MRTFB: variants seen among roughly 807,000 people sequenced by gnomAD.
MRTFB encodes myocardin related transcription factor B.
In MRTFB, 29 loss-of-function variants were observed where a neutral mutation model predicts 104.2. The observed-to-expected ratio is 0.28, with a 90% CI of 0.21 to 0.38. The LOEUF is 0.38. MRTFB is among the 10% of genes least tolerant of loss of function. MRTFB has a pLI of 1.00. For missense variants in MRTFB, 1,270 were observed against 1,341.6 expected (o/e 0.95, Z 0.83); for synonymous variants, 535 against 519.5 (o/e 1.03, Z -0.41).
chr16:14,251,749 C>T, intron 13 of MRTFB, 113 bp from the exon 14 acceptor site: 1 of 1,108,260 alleles, frequency 9.0e-7, no homozygotes. Context: ...GCTATATACT[C>T]TGCAGCCCTT....
intron 2 of MRTFB, among the ~76,000 whole-genome samples, chr16:14,101,859 A>G (rs2035720213): frequency 6.6e-6 from 1 of 152,196 alleles, no homozygotes; most frequent in Admixed American, 6.5e-5. Context: ...ATAGAATTCT[A>G]TGATTTTTTA....
At chr16:14,183,874 A>C (rs1236869440) in intron 3 of MRTFB, among the ~76,000 whole-genome samples, 3 of 152,140 alleles carry the variant, frequency 2.0e-5, no homozygotes, top group African/African-American at 7.2e-5. Context: ...TATTAGATAC[A>C]AAAATAAGCA....
At position 14,246,960 on chromosome 16, in the gene MRTFB, C is replaced by T; in HGVS notation, c.1700C>T (p.Ala567Val). Residue 567 changes from alanine to valine, a missense_variant, in exon 12 of 17, where the codon GCA (alanine) becomes GTA (valine). Ala to Val is a moderately conservative substitution (Grantham distance 64). This residue lies in a region of MRTFB where 1,144 missense variants were observed against 1,131.5 expected (regional missense o/e 1.01). Coordinates refer to ENST00000571589, the MANE Select transcript of MRTFB (RefSeq NM_001308142.2). ...ACTCTGTCAAACCTGGAACTGGATGCAGCCGAAAAGGATCGCAAGCTTCAG... is the reference window on the plus strand; with the variant it reads ...ACTCTGTCAAACCTGGAACTGGATGTAGCCGAAAAGGATCGCAAGCTTCAG... ...SSTLSNLELDAAEKDRKLQEK... is the reference protein window; with the variant it reads ...SSTLSNLELDVAEKDRKLQEK... 6.2e-7 allele frequency: 1 copy of T among 1,614,060 alleles called. No individual in the cohort carries two copies. The highest frequency in any genetic ancestry group is 8.5e-7 in the Non-Finnish European group (1 of 1,180,044).
At chr16:14,162,152 C>CAAA (rs376183467) in intron 3 of MRTFB, among the ~76,000 whole-genome samples, 1,851 of 62,360 alleles carry the variant, frequency 0.03, 103 homozygotes, top group African/African-American at 0.075. Context: ...CCTGTCTCTA[C>CAAA]AAAAAAAAAA....
At chr16:14,107,676 A>G (rs2036056789) in intron 2 of MRTFB, among the ~76,000 whole-genome samples, 1 of 152,204 alleles carries the variant, frequency 6.6e-6, no homozygotes, top group East Asian at 1.9e-4. Context: ...AACTAGGGAT[A>G]GATGCATAGG....
upstream of MRTFB, among the ~76,000 whole-genome samples, chr16:14,069,382 A>C (rs550512723): frequency 2.0e-5 from 3 of 152,240 alleles, no homozygotes; most frequent in Admixed American, 1.3e-4. Context: ...TCGGGCCACA[A>C]CTGCGACTGA....
At chr16:14,050,164 GACACACAC>G in the MRTFB span, among the ~76,000 whole-genome samples, 1 of 149,834 alleles carries the variant, frequency 6.7e-6, no homozygotes, top group Non-Finnish European at 1.5e-5. Flanking sequence ...CAGACAGACA[GACACACAC>G]ACACACACAC....
chr16:14,013,547 A>C, the MRTFB span: 1 of 152,264 alleles, frequency 6.6e-6, no homozygotes, highest in African/African-American at 2.4e-5. Flanking sequence ...CTTCATTTGC[A>C]GTTAATTAGA....
intron 2 of MRTFB, among the ~76,000 whole-genome samples, chr16:14,086,088 A>G (rs2034689047): frequency 6.6e-6 from 1 of 152,236 alleles, no homozygotes; most frequent in African/African-American, 2.4e-5. Context: ...TTTAATTATA[A>G]TGGAGATAAA....
At chr16:14,200,246 C>T (rs1461540644) in intron 3 of MRTFB, 17 of 1,370,972 alleles carry the variant, frequency 1.2e-5, no homozygotes, top group Admixed American at 2.0e-5. Context: ...AATAATACAT[C>T]CATATGTTAG....
the MRTFB span, among the ~76,000 whole-genome samples, chr16:14,029,746 A>T: frequency 6.6e-6 from 1 of 152,022 alleles, no homozygotes; most frequent in Non-Finnish European, 1.5e-5. Flanking sequence ...TCTGTCTCTA[A>T]GAGTCACTGT....
At position 14,200,662 on chromosome 16, in the gene MRTFB, C is replaced by T. The variant is rs879082763; in HGVS notation, c.155-9581C>T. 3.2e-6 allele frequency: 5 copies of T among 1,557,630 alleles called. No individual in the cohort carries two copies. The South Asian group carries it at 3.3e-5, about 10-fold the overall frequency. On this transcript the variant is annotated intron_variant, in intron 3 of 16. Transcript: ENST00000571589. ...ACGTTGATGAAGATGGAAAGAGCCA[C>T]TGGGTGTTTGAATCTAGAAAGGAGT...
chr16:14,182,085 A>G (rs1235538946), intron 3 of MRTFB, among the ~76,000 whole-genome samples: 1 of 152,232 alleles, frequency 6.6e-6, no homozygotes, highest in African/African-American at 2.4e-5. Context: ...ATGATGTACC[A>G]CATATAGTAG....
At chr16:14,018,073 T>C in the MRTFB span, among the ~76,000 whole-genome samples, 2 of 152,004 alleles carry the variant, frequency 1.3e-5, no homozygotes, top group Non-Finnish European at 2.9e-5. Flanking sequence ...CACACTCTTG[T>C]ATCCACATAA....
chr16:14,253,453 T>A (rs1227235679), intron 15 of MRTFB, among the ~76,000 whole-genome samples: 1 of 152,152 alleles, frequency 6.6e-6, no homozygotes, highest in East Asian at 1.9e-4. Context: ...GGGTAACTTG[T>A]TGGGGCCACA....
chr16:14,121,203 CT>C (rs75728032), intron 2 of MRTFB, among the ~76,000 whole-genome samples: 4,397 of 136,494 alleles, frequency 0.032, 217 homozygotes, highest in African/African-American at 0.1. Flanking sequence ...GTTAATATGG[CT>C]TTTTTTTTTT....
intron 8 of MRTFB, among the ~76,000 whole-genome samples, chr16:14,226,031 G>A (rs971491958): frequency 2.6e-5 from 4 of 152,142 alleles, no homozygotes; most frequent in Non-Finnish European, 5.9e-5. Context: ...CCATGCGACA[G>A]GCTATTTTTC....
At chr16:14,181,754 A>G (rs2039777716) in intron 3 of MRTFB, among the ~76,000 whole-genome samples, 1 of 152,196 alleles carries the variant, frequency 6.6e-6, no homozygotes, top group Non-Finnish European at 1.5e-5. Context: ...CAGTAGTTTT[A>G]TAAGCATATA....
At chr16:14,067,365 G>C (rs368959975), upstream of MRTFB, among the ~76,000 whole-genome samples, 5 of 152,004 alleles carry the variant, frequency 3.3e-5, no homozygotes, top group Admixed American at 3.3e-4. Flanking sequence ...TGGGATTATA[G>C]GCATGCGCCA....
Sources: allele counts gnomAD v4.1 joint callset (sites outside exome capture counted in the v4.1 genomes callset), GRCh38; gene constraint gnomAD v4.1.1; regional missense constraint gnomAD v4.1.1; transcripts MANE v1.5; gene names NCBI Gene and HGNC (gene_info 2026-07-23, HGNC 2026-07-21).